The following CNTNAP2 variants were observed in gnomAD, a reference collection of about 807,000 sequenced individuals.
The protein encoded by CNTNAP2 is contactin-associated protein-like 2.
In CNTNAP2, 98 loss-of-function variants were observed where a neutral mutation model predicts 155.2. That is an observed-to-expected ratio of 0.63 (90% CI 0.54 to 0.75). The LOEUF (loss-of-function observed/expected upper bound fraction) is 0.75. Ranked by LOEUF, CNTNAP2 falls within the 30% of genes least tolerant of loss-of-function variation. CNTNAP2 has a pLI of 0.00. For synonymous variants in CNTNAP2, 651 were observed against 631.2 expected (o/e 1.03, Z -0.47); for missense variants, 1,727 against 1,688.1 (o/e 1.02, Z -0.40).
At chr7:146,764,182 T>C (rs1447886710) in intron 1 of CNTNAP2, among the ~76,000 whole-genome samples, 3 of 152,200 alleles carry the variant, frequency 2.0e-5, no homozygotes, top group Non-Finnish European at 4.4e-5. Flanking sequence ...TTAAGAGTAC[T>C]CAAGTTCATT....
intron 8 of CNTNAP2, among the ~76,000 whole-genome samples, chr7:147,140,307 C>T (rs972358353): frequency 7.9e-5 from 12 of 151,970 alleles, no homozygotes; most frequent in Non-Finnish European, 1.6e-4. Context: ...AGGCCGAGAT[C>T]TTGCTACCCC....
At chr7:146,988,306 G>A (rs1798151099) in intron 3 of CNTNAP2, among the ~76,000 whole-genome samples, 2 of 151,750 alleles carry the variant, frequency 1.3e-5, no homozygotes, top group Admixed American at 1.3e-4. Context: ...GGTTAAAATG[G>A]CTTTTGATAA....
chr7:146,514,867 G>A (rs1797517777), intron 1 of CNTNAP2, among the ~76,000 whole-genome samples: 1 of 152,032 alleles, frequency 6.6e-6, no homozygotes, highest in African/African-American at 2.4e-5. Flanking sequence ...GCTTAGAGGT[G>A]TACTGTATAG....
At chr7:147,992,039 A>C (rs2116882811) in intron 15 of CNTNAP2, among the ~76,000 whole-genome samples, 1 of 151,602 alleles carries the variant, frequency 6.6e-6, no homozygotes, top group East Asian at 1.9e-4. Flanking sequence ...TCAGGATAAA[A>C]AAATTGTACT....
At chr7:146,730,217 A>C (rs1232590254) in intron 1 of CNTNAP2, among the ~76,000 whole-genome samples, 1 of 152,138 alleles carries the variant, frequency 6.6e-6, no homozygotes, top group Non-Finnish European at 1.5e-5. Context: ...AATAGATTTT[A>C]TAACTTGGTG....
chr7:147,916,740 A>G (rs1800170291), intron 14 of CNTNAP2, among the ~76,000 whole-genome samples: 1 of 152,132 alleles, frequency 6.6e-6, no homozygotes, highest in Non-Finnish European at 1.5e-5. Context: ...TCAAATTAAA[A>G]GAGATGTCAT....
At chr7:147,309,905 A>G (rs960031397) in intron 9 of CNTNAP2, among the ~76,000 whole-genome samples, 3 of 152,080 alleles carry the variant, frequency 2.0e-5, no homozygotes, top group African/African-American at 7.2e-5. Flanking sequence ...ATCACTTTCT[A>G]TTATGAGAAT....
chr7:146,785,760 C>T (rs1802565138), intron 2 of CNTNAP2, among the ~76,000 whole-genome samples: 1 of 152,194 alleles, frequency 6.6e-6, no homozygotes, highest in African/African-American at 2.4e-5. Flanking sequence ...GAATGGCCCT[C>T]TCATATCAAC....
chr7:146,624,238 T>C (rs1799380681), intron 1 of CNTNAP2, among the ~76,000 whole-genome samples: 1 of 152,106 alleles, frequency 6.6e-6, no homozygotes, highest in South Asian at 2.1e-4. Flanking sequence ...AAGTGTCTTT[T>C]GAAGAGCAAA....
In CNTNAP2 at chr7:147,890,734, A is replaced by G. The variant is rs186992976; in HGVS notation, c.2099-12831A>G. Among the ~76,000 whole-genome samples the G allele has an allele frequency of 7.0e-4, 107 of 152,336 alleles. 1 individual carries two copies. The highest frequency in any genetic ancestry group is 1.9e-3 in the Admixed American group (29 of 15,304). ...ACAAATACCACATCATCTCACTTATATATGGAATTTTTAAAAGTTGCACTC... is the reference window on the plus strand; with the variant it reads ...ACAAATACCACATCATCTCACTTATGTATGGAATTTTTAAAAGTTGCACTC... On this transcript the variant is annotated intron_variant, in intron 13 of 23. Transcript: ENST00000361727.
intron 8 of CNTNAP2, among the ~76,000 whole-genome samples, chr7:147,176,630 G>A (rs969924657): frequency 8.1e-5 from 11 of 135,930 alleles, no homozygotes; most frequent in Admixed American, 4.6e-4. Context: ...ACATACACAC[G>A]TATAATATAA....
At chr7:147,857,917 C>A (rs1375783584) in intron 13 of CNTNAP2, among the ~76,000 whole-genome samples, 1 of 152,118 alleles carries the variant, frequency 6.6e-6, no homozygotes, top group Admixed American at 6.5e-5. Context: ...AGAACATGGA[C>A]AATATCAATT....
At chr7:147,266,882 A>G (rs1055961991) in intron 8 of CNTNAP2, among the ~76,000 whole-genome samples, 3 of 152,206 alleles carry the variant, frequency 2.0e-5, no homozygotes, top group Admixed American at 1.3e-4. Context: ...GGGTTATAGA[A>G]TACTTATTTC....
intron 21 of CNTNAP2, among the ~76,000 whole-genome samples, chr7:148,278,957 G>C (rs567588211): frequency 6.6e-6 from 1 of 152,152 alleles, no homozygotes; most frequent in South Asian, 2.1e-4. Context: ...GTGAGGTAGG[G>C]ACACGCCTGG....
chr7:147,532,031 T>C (rs554953394), intron 11 of CNTNAP2, among the ~76,000 whole-genome samples: 1 of 152,124 alleles, frequency 6.6e-6, no homozygotes, highest in East Asian at 1.9e-4. Context: ...ATGGTCTCGA[T>C]CTCCTGACCT....
At chr7:147,262,829 A>T (rs1804521278) in intron 8 of CNTNAP2, among the ~76,000 whole-genome samples, 1 of 152,106 alleles carries the variant, frequency 6.6e-6, no homozygotes, top group African/African-American at 2.4e-5. Context: ...CACAGGGAGA[A>T]GGTACCCAAG....
At chr7:148,367,719 C>T (rs540130312) in intron 21 of CNTNAP2, among the ~76,000 whole-genome samples, 2 of 151,978 alleles carry the variant, frequency 1.3e-5, no homozygotes, top group South Asian at 2.1e-4. Flanking sequence ...ATTTTAGAGG[C>T]GAGATTAATG....
chr7:147,922,192 A>T (rs1284925028), intron 14 of CNTNAP2, among the ~76,000 whole-genome samples: 2 of 152,244 alleles, frequency 1.3e-5, no homozygotes, highest in Non-Finnish European at 2.9e-5. Flanking sequence ...AAGGAAAATA[A>T]ATCAAGAAAT....
At chr7:146,185,007 A>G (rs988100682) in intron 1 of CNTNAP2, among the ~76,000 whole-genome samples, 1 of 152,204 alleles carries the variant, frequency 6.6e-6, no homozygotes, top group African/African-American at 2.4e-5. Flanking sequence ...CGAACATCCC[A>G]TATTCCAAAA....
Sources: allele counts gnomAD v4.1 joint callset (sites outside exome capture counted in the v4.1 genomes callset), GRCh38; gene constraint gnomAD v4.1.1; transcripts MANE v1.5; gene names NCBI Gene and HGNC (gene_info 2026-07-23, HGNC 2026-07-21).